CTDP1: variants seen among roughly 807,000 people sequenced by gnomAD.
CTDP1 encodes the protein CTD phosphatase 1.
CTDP1 carries 47 observed loss-of-function variants against 91.8 expected under a neutral mutation model. The observed-to-expected ratio is 0.51, with a 90% confidence interval of 0.41 to 0.65. The LOEUF is 0.65. CTDP1 is among the 30% of genes least tolerant of loss of function. CTDP1 has a pLI of 0.00. For missense variants in CTDP1, 1,272 were observed against 1,373.7 expected (o/e 0.93, Z 1.17); for synonymous variants, 656 against 598.5 (o/e 1.10, Z -1.40).
chr18:79,686,176 G>T (rs924678258), intron 1 of CTDP1, among the ~76,000 whole-genome samples: 5 of 152,104 alleles, frequency 3.3e-5, no homozygotes, highest in African/African-American at 1.2e-4. Flanking sequence ...AAGCACGTCT[G>T]CCTGGAAATG....
intron 1 of CTDP1, among the ~76,000 whole-genome samples, chr18:79,685,787 G>A (rs1299194978): frequency 2.6e-5 from 4 of 152,160 alleles, no homozygotes; most frequent in Admixed American, 2.6e-4. Flanking sequence ...TAAGGGTCCG[G>A]TCCTGGAAAT....
intron 1 of CTDP1, among the ~76,000 whole-genome samples, chr18:79,691,542 TG>T (rs1223026873): frequency 2.4e-3 from 31 of 12,800 alleles, no homozygotes; most frequent in East Asian, 8.4e-3. Flanking sequence ...GGACTCGGGG[TG>T]GGGGAGGAGT....
At chr18:79,728,319 C>T (rs1219569718) in intron 10 of CTDP1, among the ~76,000 whole-genome samples, 1 of 152,124 alleles carries the variant, frequency 6.6e-6, no homozygotes, top group Non-Finnish European at 1.5e-5. Context: ...AGGCTGGTCT[C>T]GAACTCCTCA....
intron 11 of CTDP1, among the ~76,000 whole-genome samples, chr18:79,732,995 T>G (rs920444733): frequency 2.0e-5 from 3 of 152,210 alleles, no homozygotes; most frequent in Non-Finnish European, 2.9e-5. Context: ...ATTTTTCTTC[T>G]GGAAGCGACT....
At chr18:79,687,020 A>G (rs1276691060) in intron 1 of CTDP1, among the ~76,000 whole-genome samples, 1 of 111,076 alleles carries the variant, frequency 9.0e-6, no homozygotes, top group Non-Finnish European at 1.9e-5. Flanking sequence ...TCTCCAGTTC[A>G]CTGGTGGGCC....
intron 4 of CTDP1, among the ~76,000 whole-genome samples, chr18:79,698,603 C>T (rs1412010801): frequency 6.6e-6 from 1 of 152,230 alleles, no homozygotes; most frequent in Non-Finnish European, 1.5e-5. Context: ...CTTTGAATGT[C>T]TGTGCCCAGA....
At chr18:79,717,398 G>T (rs1252460722) in intron 8 of CTDP1, 137 bp from the exon 9 acceptor site, 2 of 1,269,410 alleles carry the variant, frequency 1.6e-6, no homozygotes, top group Non-Finnish European at 2.2e-6. Flanking sequence ...TGAAGGCCCT[G>T]GTGGGATGCA....
intron 12 of CTDP1, among the ~76,000 whole-genome samples, chr18:79,750,769 C>G (rs1044036525): frequency 6.6e-6 from 1 of 151,138 alleles, no homozygotes; most frequent in Non-Finnish European, 1.5e-5. Context: ...CTGACTTGGC[C>G]TCCCAAAGTG....
rs1408786944 is a variant in CTDP1, at chr18:79,680,104, G to A, written c.157G>A (p.Glu53Lys). The change falls in exon 1 of 13, where the codon GAG (glutamate) becomes AAG (lysine). Residue 53 changes from glutamate (E) to lysine (K), a missense_variant. By Grantham distance (56) the Glu-to-Lys change is moderately conservative. This residue lies in a region of CTDP1 where 214 missense variants were observed against 179.1 expected (regional missense o/e 1.19). Coordinates refer to ENST00000613122, the MANE Select transcript of CTDP1 (RefSeq NM_004715.5). The part of the protein sequence containing the change: ...VRIGSVLAVF[E>K]AAASAQSSGA... ...CATCGGCTCGGTGCTGGCCGTGTTCGAGGCCGCCGCCTCCGCGCAGTCCTC... is the reference window on the plus strand; with the variant it reads ...CATCGGCTCGGTGCTGGCCGTGTTCAAGGCCGCCGCCTCCGCGCAGTCCTC... 5 of 1,414,606 alleles carry A rather than the reference G, an allele frequency of 3.5e-6. No individual in the cohort carries two copies. The highest frequency in any genetic ancestry group is 4.6e-6 in the Non-Finnish European group (5 of 1,084,198). The allele number at this position is 1,414,606 out of a possible 1,614,324, so 87.6% of individuals were successfully genotyped here.
intron 10 of CTDP1, among the ~76,000 whole-genome samples, chr18:79,723,047 C>A (rs1232241611): frequency 6.6e-6 from 1 of 152,216 alleles, no homozygotes; most frequent in Non-Finnish European, 1.5e-5. Flanking sequence ...CAATGCCACT[C>A]CACGTGTGGA....
intron 12 of CTDP1, among the ~76,000 whole-genome samples, chr18:79,737,754 A>G (rs1031470497): frequency 1.1e-4 from 17 of 152,202 alleles, no homozygotes; most frequent in Non-Finnish European, 1.8e-4. Context: ...AGCGTTCAAC[A>G]TACAGACTGC....
At chr18:79,744,002 C>T (rs2086832969) in intron 12 of CTDP1, among the ~76,000 whole-genome samples, 1 of 152,174 alleles carries the variant, frequency 6.6e-6, no homozygotes, top group South Asian at 2.1e-4. Flanking sequence ...GGCAAACCCG[C>T]CACCCATTCT....
intron 5 of CTDP1, among the ~76,000 whole-genome samples, chr18:79,705,648 G>T (rs988927948): frequency 6.6e-6 from 1 of 152,230 alleles, no homozygotes; most frequent in Non-Finnish European, 1.5e-5. Context: ...GACGGCGACC[G>T]TCTGTCCCAC....
intron 1 of CTDP1, among the ~76,000 whole-genome samples, chr18:79,684,321 A>G (rs911627064): frequency 6.6e-6 from 1 of 152,228 alleles, no homozygotes; most frequent in Admixed American, 6.5e-5. Context: ...ATGGAATTTT[A>G]ACAAAGAAAG....
chr18:79,713,199 C>T lies in CTDP1; in HGVS notation c.1030+61C>T. 6.7e-7 allele frequency: 1 copy of T among 1,492,658 alleles called. No homozygotes were observed. Among genetic ancestry groups the T allele is most frequent in the Non-Finnish European group, 9.2e-7 (1 of 1,083,984 alleles). The allele number at this position is 1,492,658 out of a possible 1,614,324, so 92.5% of individuals were successfully genotyped here. A position where few individuals can be genotyped will look rare whatever the true frequency, so the allele number is the denominator to read the frequency against. On this transcript the variant is annotated intron_variant, in intron 7 of 12. Transcript: ENST00000613122. The surrounding 1 kb of genome is among the most constrained non-coding windows in gnomAD (Gnocchi z 4.7). ...CACATTTGCTTATTGTTTAGCTCTT[C>T]TTATTTCTTATCTCTGTTTTGACTG...
Position 79,711,380 on chromosome 18 carries a change from G to C in CTDP1, c.863+944G>C, listed in dbSNP as rs182805686. On this transcript the variant is annotated intron_variant, in intron 6 of 12. Coordinates refer to ENST00000613122, the MANE Select transcript of CTDP1 (RefSeq NM_004715.5). ...CACAGTAGCCAGCTGTGAAGGATTT[G>C]GCCCTTTTGCCTCTGAGTATCCAGG... Among the ~76,000 whole-genome samples the C allele has an allele frequency of 1.3e-3, 205 of 152,216 alleles. 3 individuals are homozygous for C. Among genetic ancestry groups the C allele is most frequent in the Non-Finnish European group, 3.2e-4 (22 of 68,012 alleles).
At chr18:79,734,935 G>A (rs779235410) in intron 11 of CTDP1, among the ~76,000 whole-genome samples, 26 of 152,202 alleles carry the variant, frequency 1.7e-4, no homozygotes, top group African/African-American at 5.3e-4. Context: ...TGATAAAGCC[G>A]CTGCCTTAGC....
intron 10 of CTDP1, among the ~76,000 whole-genome samples, chr18:79,724,978 A>C (rs895774093): frequency 6.6e-6 from 1 of 152,108 alleles, no homozygotes; most frequent in Non-Finnish European, 1.5e-5. Flanking sequence ...CCCTTGATCA[A>C]GTTGGATTTC....
chr18:79,689,628 A>C (rs147863590), intron 1 of CTDP1, among the ~76,000 whole-genome samples: 14 of 152,320 alleles, frequency 9.2e-5, no homozygotes, highest in Non-Finnish European at 1.9e-4. Context: ...TCTACTAAAA[A>C]TACAAAAATA....
Sources: gnomAD v4.1 joint callset for allele counts (sites outside exome capture counted in the v4.1 genomes callset) on GRCh38, gnomAD v4.1.1 for gene constraint, gnomAD v4.1.1 regional missense constraint, Gnocchi (gnomAD v3.1) non-coding constraint, MANE v1.5 for transcripts, NCBI Gene and HGNC (gene_info 2026-07-23, HGNC 2026-07-21) for gene names.